The following PHLDB2 variants were observed in gnomAD, a reference collection of about 807,000 sequenced individuals.
PHLDB2 encodes pleckstrin homology like domain family B member 2.
PHLDB2 carries 71 observed loss-of-function variants against 123.6 expected under a neutral mutation model. The ratio of observed to expected loss-of-function variants is 0.57; its 90% CI spans 0.47 to 0.70. The LOEUF (loss-of-function observed/expected upper bound fraction) is 0.70, where lower values mean the gene tolerates loss of function less well. PHLDB2 is among the 30% of genes least tolerant of loss of function. The pLI is 0.00. For synonymous variants in PHLDB2, 547 were observed against 541.6 expected, an observed-to-expected ratio of 1.01 and a Z score of -0.14; for missense variants, 1,446 against 1,519.5, an observed-to-expected ratio of 0.95 and a Z score of 0.80.
intron 2 of PHLDB2, among the ~76,000 whole-genome samples, chr3:111,904,999 A>G (rs898155466): frequency 3.9e-5 from 6 of 152,142 alleles, no homozygotes; most frequent in African/African-American, 1.2e-4. Flanking sequence ...TATGAAAGAG[A>G]ACGGCAATGA....
chr3:111,826,619 T>C (rs2062664984), intron 1 of PHLDB2, among the ~76,000 whole-genome samples: 1 of 152,144 alleles, frequency 6.6e-6, no homozygotes, highest in Admixed American at 6.5e-5. Flanking sequence ...TCTGGCTAGA[T>C]GAAAGCATGA....
Position 111,805,846 on chromosome 3 carries a change from C to CA in PHLDB2, c.-48-39961dup, listed in dbSNP as rs10585193. Among the ~76,000 whole-genome samples, 567 of 92,928 alleles carry CA rather than the reference C, an allele frequency of 6.1e-3. 10 individuals are homozygous for CA. The highest frequency in any genetic ancestry group is 0.029 in the Middle Eastern group (4 of 138). 61.0% of individuals were successfully genotyped at this position (92,928 alleles called of 152,430 possible). ...GTGATGGTGGTTGCATAGATGTATG[C>CA]AAAAAAAAAAAAAAGAAGAAGAAAA... On this transcript the variant is annotated intron_variant, in intron 1 of 17. Transcript: ENST00000393923.
chr3:111,759,841 T>G (rs1410600697), intron 1 of PHLDB2, among the ~76,000 whole-genome samples: 1 of 152,242 alleles, frequency 6.6e-6, no homozygotes, highest in Non-Finnish European at 1.5e-5. Context: ...TTTTTTATTC[T>G]TAATCAATAG....
At chr3:111,858,858 C>A (rs1165042578), upstream of PHLDB2, among the ~76,000 whole-genome samples, 3 of 152,182 alleles carry the variant, frequency 2.0e-5, no homozygotes, top group Non-Finnish European at 4.4e-5. Flanking sequence ...CACATTCCCG[C>A]GTGCCGAGAT....
chr3:111,789,995 T>A (rs982497722), intron 1 of PHLDB2, among the ~76,000 whole-genome samples: 3 of 152,168 alleles, frequency 2.0e-5, no homozygotes, highest in African/African-American at 7.2e-5. Flanking sequence ...GGAATTCTCA[T>A]ACCACAGCCA....
intron 2 of PHLDB2, among the ~76,000 whole-genome samples, chr3:111,898,182 T>TGTG (rs1553747095): frequency 0.053 from 7,493 of 142,534 alleles, 241 homozygotes; most frequent in Admixed American, 0.061. Flanking sequence ...GTGTGTGTGT[T>TGTG]TGTGTGTGTG....
At chr3:111,855,921 G>A (rs1471384804), upstream of PHLDB2, among the ~76,000 whole-genome samples, 2 of 152,120 alleles carry the variant, frequency 1.3e-5, no homozygotes, top group East Asian at 3.9e-4. Context: ...ATGAGCCATT[G>A]AGCCTGGACT....
At chr3:111,964,521 T>TTTA (rs3082360) in intron 13 of PHLDB2, among the ~76,000 whole-genome samples, 1 of 151,208 alleles carries the variant, frequency 6.6e-6, no homozygotes, top group Non-Finnish European at 1.5e-5. Flanking sequence ...TTTTTTTTTT[T>TTTA]AGTAGAGAAG....
intron 6 of PHLDB2, among the ~76,000 whole-genome samples, chr3:111,938,809 T>G (rs984481165): frequency 1.3e-5 from 2 of 151,276 alleles, no homozygotes; most frequent in Non-Finnish European, 3.0e-5. Context: ...TTTCTTTTTT[T>G]ATTTTTATCT....
intron 1 of PHLDB2, among the ~76,000 whole-genome samples, chr3:111,810,185 C>A (rs187118987): frequency 9.2e-5 from 14 of 152,172 alleles, no homozygotes; most frequent in Middle Eastern, 3.4e-3. Context: ...ACACAGAGGC[C>A]ATACACACTA....
chr3:111,907,937 C>T (rs2067651270), intron 2 of PHLDB2, among the ~76,000 whole-genome samples: 1 of 152,154 alleles, frequency 6.6e-6, no homozygotes, highest in Non-Finnish European at 1.5e-5. Context: ...GCTGAGAATA[C>T]AGGCATGAGC....
chr3:111,812,674 A>T (rs76483408), intron 1 of PHLDB2, among the ~76,000 whole-genome samples: 1,884 of 152,322 alleles, frequency 0.012, 37 homozygotes, highest in East Asian at 0.044. Flanking sequence ...AAGCAGCTTC[A>T]TTAAGATTTT....
In PHLDB2 at chr3:111,921,947, A is replaced by G. The variant is rs2068535413; in HGVS notation, c.2001+1528A>G. ...GGGTAGTGGGTGTATTTTTCCTAAAAGGCCAAAATGAAGTCAAAGAGTTGA... is the reference window on the plus strand; with the variant it reads ...GGGTAGTGGGTGTATTTTTCCTAAAGGGCCAAAATGAAGTCAAAGAGTTGA... On this transcript the variant is annotated intron_variant, in intron 5 of 17. Coordinates refer to ENST00000431670, the MANE Select transcript of PHLDB2 (RefSeq NM_001134438.2). Among the ~76,000 whole-genome samples, 3 of 152,322 alleles carry G rather than the reference A, an allele frequency of 2.0e-5. No individual in the cohort carries two copies. In the South Asian group the frequency reaches 6.2e-4, roughly 32 times the overall value.
intron 1 of PHLDB2, among the ~76,000 whole-genome samples, chr3:111,764,891 C>G (rs1366348478): frequency 6.6e-6 from 1 of 152,142 alleles, no homozygotes; most frequent in Non-Finnish European, 1.5e-5. Context: ...ACTCTGTCTT[C>G]CAAAAGTTAA....
At chr3:111,773,869 C>T (rs2060221283) in intron 1 of PHLDB2, among the ~76,000 whole-genome samples, 1 of 152,070 alleles carries the variant, frequency 6.6e-6, no homozygotes, top group Non-Finnish European at 1.5e-5. Flanking sequence ...CAAATACTAC[C>T]ATGTCACTTC....
chr3:111,942,655 A>C (rs1268677674), intron 8 of PHLDB2, among the ~76,000 whole-genome samples: 3 of 152,080 alleles, frequency 2.0e-5, no homozygotes, highest in Non-Finnish European at 4.4e-5. Context: ...AAGCATAGTG[A>C]CTAAGTGCAG....
At chr3:111,822,313 G>GTA (rs1481192749) in intron 1 of PHLDB2, among the ~76,000 whole-genome samples, 103 of 149,804 alleles carry the variant, frequency 6.9e-4, no homozygotes, top group African/African-American at 2.3e-3. Flanking sequence ...GTGTGTGTGT[G>GTA]TGTGTATATA....
chr3:111,855,510 TC>T (rs1372928005), upstream of PHLDB2, among the ~76,000 whole-genome samples: 23 of 9,012 alleles, frequency 2.6e-3, no homozygotes, highest in South Asian at 0.029. Context: ...TTCTTTTCTT[TC>T]CTTTCTTTCT....
chr3:111,926,471 T>TGGAGCTGTATATATA (rs2068818414), intron 5 of PHLDB2, among the ~76,000 whole-genome samples: 1 of 152,198 alleles, frequency 6.6e-6, no homozygotes, highest in Non-Finnish European at 1.5e-5. Flanking sequence ...GGCTCCCTGG[T>TGGAGCTGTATATATA]CAGAGGAAGT....
Sources: allele counts gnomAD v4.1 joint callset (sites outside exome capture counted in the v4.1 genomes callset), GRCh38; gene constraint gnomAD v4.1.1; transcripts MANE v1.5; gene names NCBI Gene and HGNC (gene_info 2026-07-23, HGNC 2026-07-21).